Variants in TTC12 observed in about 807,000 individuals in gnomAD.
TTC12 encodes the protein tetratricopeptide repeat domain 12.
A neutral mutation model predicts 90.1 loss-of-function variants in TTC12; 70 were observed. The ratio of observed to expected loss-of-function variants is 0.78; its 90% CI spans 0.64 to 0.95. The LOEUF is 0.95. TTC12 is among the 40% of genes least tolerant of loss of function. The pLI, the probability that TTC12 is intolerant of heterozygous loss-of-function variation, is 0.00. For synonymous variants in TTC12, 296 were observed against 311.5 expected, an observed-to-expected ratio of 0.95 and a Z score of 0.53; for missense variants, 819 against 846.1, an observed-to-expected ratio of 0.97 and a Z score of 0.40.
chr11:113,351,496 G>A (rs891058138), intron 15 of TTC12, among the ~76,000 whole-genome samples, 197 bp downstream of exon 15: 5 of 152,198 alleles, frequency 3.3e-5, no homozygotes, highest in Admixed American at 6.5e-5. Flanking sequence ...TATGGATGGC[G>A]CTGGTTACAG....
At chr11:113,328,017 G>A (rs944795286) in intron 6 of TTC12, among the ~76,000 whole-genome samples, 12 of 152,158 alleles carry the variant, frequency 7.9e-5, no homozygotes, top group African/African-American at 2.9e-4. Context: ...TTGCAACATT[G>A]ACCCCACAAT....
chr11:113,329,816 A>C, intron 6 of TTC12, 104 bp from the exon 7 acceptor site: 1 of 940,202 alleles, frequency 1.1e-6, no homozygotes. Context: ...CAGGTAGGGG[A>C]TAGTTCTCGC....
intron 2 of TTC12, 25 bp from the exon 3 acceptor site, chr11:113,323,263 A>T (rs1947461404): frequency 6.5e-7 from 1 of 1,539,370 alleles, no homozygotes; most frequent in Admixed American, 2.1e-5. Flanking sequence ...TTGTTTGATT[A>T]AGTCACACCT....
In TTC12 at chr11:113,334,313, C is replaced by A. The variant is rs191464143; in HGVS notation, c.505-653C>A. ...AACTAGGGGCAGGCAGGTGCAGGGC[C>A]TCCTGTGTAAATGGTCTAGTTTCAG... On this transcript the variant is annotated intron_variant, in intron 7 of 21. Transcript: ENST00000529221. Among the ~76,000 whole-genome samples the A allele has an allele frequency of 2.6e-5, 4 of 152,288 alleles. No individual in the cohort carries two copies. The East Asian group carries it at 7.7e-4, about 29-fold the overall frequency.
intron 16 of TTC12, among the ~76,000 whole-genome samples, chr11:113,358,573 A>G (rs1949748610): frequency 6.6e-6 from 1 of 152,186 alleles, no homozygotes; most frequent in Non-Finnish European, 1.5e-5. Context: ...TGCAGAGTTC[A>G]GGTCTGATGA....
chr11:113,368,144 G>C (rs375943118), downstream of TTC12: 189 of 1,329,668 alleles, frequency 1.4e-4, no homozygotes, highest in African/African-American at 2.3e-3. Flanking sequence ...CTTCCCCAAA[G>C]AGTGGGGAAT....
chr11:113,368,324 C>T (rs751231715), downstream of TTC12: 2 of 1,545,568 alleles, frequency 1.3e-6, no homozygotes. Flanking sequence ...CCGCCACCGC[C>T]CCAAACTTGT....
At chr11:113,355,351 CCTT>C (rs1555152052) in intron 16 of TTC12, among the ~76,000 whole-genome samples, 2 of 151,950 alleles carry the variant, frequency 1.3e-5, no homozygotes, top group African/African-American at 4.8e-5. Flanking sequence ...TTCTCTCTTT[CCTT>C]CTTTTTTAGT....
intron 8 of TTC12, 133 bp from the exon 9 acceptor site, chr11:113,338,641 C>A: frequency 1.6e-6 from 1 of 607,738 alleles, no homozygotes; most frequent in Non-Finnish European, 2.9e-6. Context: ...TGTTCCTATG[C>A]CTGTCTCCTG....
At chr11:113,333,778 G>T (rs1477702317) in intron 7 of TTC12, among the ~76,000 whole-genome samples, 2 of 152,122 alleles carry the variant, frequency 1.3e-5, no homozygotes, top group African/African-American at 4.8e-5. Context: ...ATACACAAAA[G>T]TGTATCTCTA....
intron 9 of TTC12, 28 bp downstream of exon 9, chr11:113,338,862 A>G: frequency 6.2e-6 from 10 of 1,606,398 alleles, no homozygotes; most frequent in Non-Finnish European, 8.5e-6. Context: ...GAGGTCCTTC[A>G]TCTGAACTCC....
intron 16 of TTC12, among the ~76,000 whole-genome samples, chr11:113,358,357 G>C (rs938307347): frequency 2.0e-5 from 3 of 152,178 alleles, no homozygotes; most frequent in Admixed American, 2.0e-4. Flanking sequence ...GAGGGAGCAT[G>C]TGGGCTGGTG....
At chr11:113,338,688 A>G in intron 8 of TTC12, 86 bp from the exon 9 acceptor site, 2 of 996,216 alleles carry the variant, frequency 2.0e-6, no homozygotes, top group Non-Finnish European at 1.5e-6. Context: ...AAAATAATGA[A>G]GCAGCCAAGC....
downstream of TTC12, among the ~76,000 whole-genome samples, chr11:113,370,893 T>G (rs1950364155): frequency 6.6e-6 from 1 of 152,176 alleles, no homozygotes; most frequent in Admixed American, 6.5e-5. Flanking sequence ...TGTTTGGGCT[T>G]CTTATCTTCA....
At chr11:113,343,786 G>A (rs900908001) in intron 12 of TTC12, among the ~76,000 whole-genome samples, 1 of 152,196 alleles carries the variant, frequency 6.6e-6, no homozygotes, top group Non-Finnish European at 1.5e-5. Context: ...ATTCGTTAGT[G>A]CTCTCATGTG....
intron 13 of TTC12, among the ~76,000 whole-genome samples, chr11:113,349,015 A>G (rs1235842862): frequency 6.6e-6 from 1 of 152,220 alleles, no homozygotes; most frequent in Non-Finnish European, 1.5e-5. Context: ...TGGGCCCGAC[A>G]CTGGCCTGCA....
intron 7 of TTC12, among the ~76,000 whole-genome samples, chr11:113,333,614 C>T (rs979249999): frequency 1.3e-5 from 2 of 152,124 alleles, no homozygotes; most frequent in Admixed American, 6.5e-5. Context: ...GGGATAATAA[C>T]TGTATCTGCT....
At chr11:113,315,754 A>C (rs1009633617) in intron 1 of TTC12, among the ~76,000 whole-genome samples, 1 of 152,066 alleles carries the variant, frequency 6.6e-6, no homozygotes, top group Non-Finnish European at 1.5e-5. Flanking sequence ...CCCTTTCTTC[A>C]CTCTTCAGAA....
chr11:113,343,738 C>G (rs1948799817), intron 12 of TTC12, among the ~76,000 whole-genome samples: 1 of 152,312 alleles, frequency 6.6e-6, no homozygotes, highest in South Asian at 2.1e-4. Flanking sequence ...TGCCACCACC[C>G]TGGAAGAGCT....
Sources: allele counts gnomAD v4.1 joint callset (sites outside exome capture counted in the v4.1 genomes callset), GRCh38; gene constraint gnomAD v4.1.1; transcripts MANE v1.5; gene names NCBI Gene and HGNC (gene_info 2026-07-23, HGNC 2026-07-21).